Variants in ACSS3 observed in about 807,000 individuals in gnomAD.
ACSS3 encodes acyl-CoA synthetase short-chain family member 3, mitochondrial.
A neutral mutation model predicts 84.2 loss-of-function variants in ACSS3; 64 were observed. That is an observed-to-expected ratio of 0.76 (90% CI 0.62 to 0.94). The LOEUF (loss-of-function observed/expected upper bound fraction) is 0.94. Among genes scored for constraint, ACSS3 ranks in the 40% least tolerant of loss-of-function variants. The pLI is 0.00. For missense variants in ACSS3, 815 were observed against 867.6 expected (o/e 0.94, Z 0.76); for synonymous variants, 317 against 310.1 (o/e 1.02, Z -0.23).
At chr12:81,196,569 C>A (rs1475053082) in intron 8 of ACSS3, among the ~76,000 whole-genome samples, 2 of 151,880 alleles carry the variant, frequency 1.3e-5, no homozygotes, top group East Asian at 1.9e-4. Context: ...TTGGACCATG[C>A]CAATTGTATT....
Position 81,102,429 on chromosome 12 carries a change from C to T in ACSS3, c.312-7131C>T, listed in dbSNP as rs11114766. On this transcript the variant is annotated intron_variant, in intron 1 of 15. Coordinates refer to ENST00000548058, the MANE Select transcript of ACSS3 (RefSeq NM_024560.4). Reference sequence around the variant, plus strand: ...TGTGATGTCTGTGCATGTGCATGGGCGCAGGTGAGGGTGCAGGAAGCATAA... The same window carrying T: ...TGTGATGTCTGTGCATGTGCATGGGTGCAGGTGAGGGTGCAGGAAGCATAA... Among the ~76,000 whole-genome samples, 180 of 152,042 alleles carry T rather than the reference C, an allele frequency of 1.2e-3. 1 individual carries two copies. The highest frequency in any genetic ancestry group is 3.8e-3 in the African/African-American group (157 of 41,466).
chr12:81,206,384 A>T (rs2032346283), intron 9 of ACSS3, among the ~76,000 whole-genome samples: 1 of 152,142 alleles, frequency 6.6e-6, no homozygotes, highest in Non-Finnish European at 1.5e-5. Context: ...GCTACTTTCA[A>T]ATAGTAAAAT....
At chr12:81,109,537 T>C in intron 1 of ACSS3, 23 bp from the exon 2 acceptor site, 1 of 1,599,434 alleles carries the variant, frequency 6.3e-7, no homozygotes, top group East Asian at 2.2e-5. Flanking sequence ...ATCATTCACC[T>C]TTACTTTCCA....
chr12:81,206,859 T>A (rs565744509), intron 9 of ACSS3, among the ~76,000 whole-genome samples: 1 of 152,278 alleles, frequency 6.6e-6, no homozygotes, highest in South Asian at 2.1e-4. Context: ...AAACTGCTAA[T>A]CCACCTGAGA....
Position 81,078,490 on chromosome 12 carries a change from G to A in ACSS3, c.311+59G>A, listed in dbSNP as rs1006519890. The stretch of plus-strand genomic sequence containing the variant: ...TCCCTGGTAACTTTTTGGGCGCCAG[G>A]ACCTCCCTGGGACCTGGAATCTGGC... On this transcript the variant is annotated intron_variant, in intron 1 of 15. Transcript: ENST00000548058. 5 of 1,581,682 alleles carry A rather than the reference G, an allele frequency of 3.2e-6. No homozygotes were observed. The Admixed American group carries it at 5.3e-5, about 17-fold the overall frequency.
intron 8 of ACSS3, among the ~76,000 whole-genome samples, chr12:81,193,270 C>A (rs1371159973): frequency 6.6e-6 from 1 of 152,098 alleles, no homozygotes; most frequent in African/African-American, 2.4e-5. Flanking sequence ...CATCTGTTGG[C>A]ACAAGTGAAG....
intron 9 of ACSS3, among the ~76,000 whole-genome samples, chr12:81,204,565 T>G (rs536558399): frequency 6.6e-6 from 1 of 152,298 alleles, no homozygotes; most frequent in African/African-American, 2.4e-5. Flanking sequence ...CGCTTTGTTC[T>G]TTCTCTTGCT....
chr12:81,202,340 C>T (rs2032149505), intron 9 of ACSS3, among the ~76,000 whole-genome samples: 1 of 151,736 alleles, frequency 6.6e-6, no homozygotes, highest in Non-Finnish European at 1.5e-5. Context: ...ACCATTCTTT[C>T]CTAAGGTGCT....
At chr12:81,083,874 G>A (rs1345734859) in intron 1 of ACSS3, among the ~76,000 whole-genome samples, 1 of 152,048 alleles carries the variant, frequency 6.6e-6, no homozygotes, top group Non-Finnish European at 1.5e-5. Context: ...GGAGACTGAG[G>A]CAGGAGAATC....
At chr12:81,208,662 G>A (rs1252474665) in intron 9 of ACSS3, among the ~76,000 whole-genome samples, 1 of 151,954 alleles carries the variant, frequency 6.6e-6, no homozygotes, top group Non-Finnish European at 1.5e-5. Context: ...TGAGCAAATC[G>A]CCTTTACAAA....
chr12:81,163,632 G>A (rs1887261337), intron 7 of ACSS3, among the ~76,000 whole-genome samples: 1 of 152,222 alleles, frequency 6.6e-6, no homozygotes, highest in Non-Finnish European at 1.5e-5. Context: ...GGAGATGACA[G>A]CTCTATGCTT....
chr12:81,102,778 G>A (rs1170297434), intron 1 of ACSS3, among the ~76,000 whole-genome samples: 8 of 151,308 alleles, frequency 5.3e-5, no homozygotes, highest in Admixed American at 5.3e-4. Flanking sequence ...GCAGTGAGCC[G>A]AGATCACGCC....
At position 81,253,616 on chromosome 12, in the gene ACSS3, T is replaced by G. The variant is rs1593247496; in HGVS notation, c.1941T>G (p.Ser647=). 1.2e-6 allele frequency: 2 copies of G among 1,613,934 alleles called. No homozygotes were observed. The highest frequency in any genetic ancestry group is 1.7e-6 in the Non-Finnish European group (2 of 1,179,890). The change falls in exon 15 of 16, where the codon TCT becomes TCG. Residue 647 remains serine (S), a synonymous_variant. Transcript: ENST00000548058. ...TCAAACAGCTACCCAAAACCAGATC[T>G]GGCAAGATCCCCCGATCAGCTTTAT... The part of the protein sequence containing the change: ...VFVKQLPKTR[S]GKIPRSALSA...
In ACSS3 at chr12:81,256,921, G is replaced by A. The variant is rs568310158; in HGVS notation, c.*1999G>A. 1.1e-4 allele frequency: 16 copies of A among 151,978 alleles called. No individual in the cohort carries two copies. The highest frequency in any genetic ancestry group is 1.8e-4 in the Non-Finnish European group (12 of 68,008). The allele number at this position is 151,978 out of a possible 1,614,324, so 9.4% of individuals were successfully genotyped here. On this transcript the variant is annotated 3_prime_UTR_variant, in exon 16 of 16. Coordinates refer to ENST00000548058, the MANE Select transcript of ACSS3 (RefSeq NM_024560.4). ...CTTGAGTTGCCTCTTTCATTGGTAC[G>A]TTTTATCCATTGTCACAACTGTGGT...
chr12:81,227,398 T>TACACACACACACACACAC (rs34993441), intron 11 of ACSS3, among the ~76,000 whole-genome samples: 1 of 148,694 alleles, frequency 6.7e-6, no homozygotes, highest in African/African-American at 2.5e-5. Context: ...GAGGACTATT[T>TACACACACACACACACAC]ACACACACAC....
chr12:81,196,507 A>C (rs2031837261), intron 8 of ACSS3, among the ~76,000 whole-genome samples: 1 of 152,176 alleles, frequency 6.6e-6, no homozygotes, highest in Admixed American at 6.5e-5. Flanking sequence ...GGCTACTAGA[A>C]AATTTTAAAC....
chr12:81,207,015 C>T (rs1199046736), intron 9 of ACSS3, among the ~76,000 whole-genome samples: 1 of 152,076 alleles, frequency 6.6e-6, no homozygotes, highest in African/African-American at 2.4e-5. Context: ...ACTATTTGTG[C>T]TCATTATTAT....
At chr12:81,136,766 G>A (rs1023775576) in intron 3 of ACSS3, among the ~76,000 whole-genome samples, 4 of 152,300 alleles carry the variant, frequency 2.6e-5, no homozygotes, top group Middle Eastern at 6.8e-3. Context: ...GAACAGGCAA[G>A]TGTCATGTTT....
intron 8 of ACSS3, among the ~76,000 whole-genome samples, chr12:81,183,339 G>A (rs567256819): frequency 4.6e-5 from 7 of 152,150 alleles, no homozygotes; most frequent in Non-Finnish European, 7.4e-5. Flanking sequence ...AAAGAGAAAG[G>A]AATCAAAGCT....
Sources: allele counts gnomAD v4.1 joint callset (sites outside exome capture counted in the v4.1 genomes callset), GRCh38; gene constraint gnomAD v4.1.1; transcripts MANE v1.5; gene names NCBI Gene and HGNC (gene_info 2026-07-23, HGNC 2026-07-21).